Variants in PLEKHA6 observed in about 807,000 individuals in gnomAD.
PLEKHA6 encodes pleckstrin homology domain-containing family A member 6.
A neutral mutation model predicts 116.7 loss-of-function variants in PLEKHA6; 60 were observed. The ratio of observed to expected loss-of-function variants is 0.51; its 90% CI spans 0.42 to 0.64. The LOEUF (loss-of-function observed/expected upper bound fraction) is 0.64. PLEKHA6 is among the 30% of genes least tolerant of loss of function. The pLI is 0.00. For synonymous variants in PLEKHA6, 489 were observed against 556.1 expected, an observed-to-expected ratio of 0.88 and a Z score of 1.70; for missense variants, 1,338 against 1,422.7, an observed-to-expected ratio of 0.94 and a Z score of 0.96.
rs142523085 is a variant in PLEKHA6 at position 204,228,117 on chromosome 1, C to T, written c.2997G>A (p.Ala999=). The stretch of plus-strand genomic sequence containing the variant: ...TGCGGCCCCTGCGGGAGGCCTCGGT[C>T]GCCAGGGCGCAGGAGATTTCAATCC... The part of the protein sequence containing the change: ...EKRIEISCAL[A]TEASRRGRML... The change falls in exon 21 of 23, where the codon GCG becomes GCA. Residue 999 remains alanine (A), a synonymous_variant. Transcript: ENST00000272203. The surrounding 1 kb of genome is among the most constrained non-coding windows in gnomAD (Gnocchi z 4.0). 1.6e-5 allele frequency: 25 copies of T among 1,612,694 alleles called. No homozygotes were observed. The highest frequency in any genetic ancestry group is 3.3e-5 in the Admixed American group (2 of 59,872).
chr1:204,294,698 C>T (rs891707942), intron 1 of PLEKHA6, among the ~76,000 whole-genome samples: 2 of 152,200 alleles, frequency 1.3e-5, no homozygotes, highest in African/African-American at 2.4e-5. Context: ...CCAGTTACTA[C>T]CTAAGGGACT....
rs372783455 is a variant in PLEKHA6, at chr1:204,375,928, G to A, written c.83+1655C>T. 1.9e-5 allele frequency among the ~76,000 whole-genome samples: 2 copies of A among 103,266 alleles called. 1 individual carries two copies. 67.7% of individuals were successfully genotyped at this position (103,266 alleles called of 152,430 possible). A position where few individuals can be genotyped will look rare whatever the true frequency, so the allele number is the denominator to read the frequency against. On this transcript the variant is annotated intron_variant, in intron 1 of 4. Coordinates refer to the PLEKHA6 transcript ENST00000564627. Reference sequence around the variant, plus strand: ...TACTTCCAAGGCTTCTTTCACTCTTGTCTCTCCTCCAGAATCAGCTCAAAT... The same window carrying A: ...TACTTCCAAGGCTTCTTTCACTCTTATCTCTCCTCCAGAATCAGCTCAAAT...
At chr1:204,293,283 T>C (rs1282179765) in intron 1 of PLEKHA6, among the ~76,000 whole-genome samples, 3 of 152,092 alleles carry the variant, frequency 2.0e-5, no homozygotes, top group Non-Finnish European at 4.4e-5. Flanking sequence ...TACAGGCATG[T>C]GCCACCACAC....
chr1:204,351,033 G>A lies in PLEKHA6; in HGVS notation c.-95+8661C>T, dbSNP rs567821825. ...CAGCTCACCACCCTCCTCTCCGAAC[G>A]CCAGCTAACCGGTTACCCGGGCAAC... On this transcript the variant is annotated intron_variant, in intron 1 of 22. Transcript: ENST00000272203. 2.0e-5 allele frequency among the ~76,000 whole-genome samples: 3 copies of A among 152,236 alleles called. No individual in the cohort carries two copies. The East Asian group carries it at 5.8e-4, about 29-fold the overall frequency.
intron 1 of PLEKHA6, among the ~76,000 whole-genome samples, chr1:204,359,023 G>A (rs1056143497): frequency 1.3e-5 from 2 of 149,778 alleles, no homozygotes; most frequent in Non-Finnish European, 3.0e-5. Context: ...ACAATACCTC[G>A]AGGCTCTTAG....
In PLEKHA6 at chr1:204,265,045, G is replaced by A. The variant is rs372557866; in HGVS notation, c.281-3C>T. On this transcript the variant is annotated splice_polypyrimidine_tract_variant and splice_region_variant and intron_variant, in intron 5 of 22. Transcript: ENST00000272203. ...CAGGATACTCTCTTCCTTCTCATCTGTCAGGGAGAGAGGCACAAGAAGGGT... is the reference window on the plus strand; with the variant it reads ...CAGGATACTCTCTTCCTTCTCATCTATCAGGGAGAGAGGCACAAGAAGGGT... 8.1e-6 allele frequency: 13 copies of A among 1,606,062 alleles called. No homozygotes were observed. The highest frequency in any genetic ancestry group is 1.1e-5 in the Non-Finnish European group (13 of 1,173,684).
At chr1:204,233,844 G>A (rs1417444717) in intron 17 of PLEKHA6, among the ~76,000 whole-genome samples, 1 of 152,104 alleles carries the variant, frequency 6.6e-6, no homozygotes, top group Non-Finnish European at 1.5e-5. Context: ...TGATTTAGAT[G>A]ATGAGATTTG....
chr1:204,247,536 G>A (rs1025965020), intron 12 of PLEKHA6, 76 bp from the exon 13 acceptor site: 5 of 949,158 alleles, frequency 5.3e-6, no homozygotes, highest in East Asian at 2.5e-5. Flanking sequence ...ATGGACCCTG[G>A]GGCCAGGGTA....
At chr1:204,324,723 T>C (rs1411336850) in intron 1 of PLEKHA6, among the ~76,000 whole-genome samples, 30 of 152,210 alleles carry the variant, frequency 2.0e-4, no homozygotes, top group Non-Finnish European at 4.4e-5. Flanking sequence ...CCTGGTGTTT[T>C]TATCTGACCT....
intron 5 of PLEKHA6, among the ~76,000 whole-genome samples, 190 bp from the exon 6 acceptor site, chr1:204,265,232 T>C (rs1351870257): frequency 1.3e-5 from 2 of 151,864 alleles, no homozygotes; most frequent in African/African-American, 4.8e-5. Context: ...AGTTAGGGAG[T>C]GTGGTGGCCC....
chr1:204,271,097 A>G (rs1246225992), intron 3 of PLEKHA6, among the ~76,000 whole-genome samples: 2 of 152,248 alleles, frequency 1.3e-5, no homozygotes, highest in Non-Finnish European at 2.9e-5. Context: ...AATGCAGCCC[A>G]ACACAAACTT....
intron 1 of PLEKHA6, among the ~76,000 whole-genome samples, chr1:204,375,091 G>A (rs192464206): frequency 9.3e-4 from 141 of 151,958 alleles, no homozygotes; most frequent in Admixed American, 2.0e-3. Context: ...GCAACCTCTC[G>A]GTCTTACTCT....
intron 1 of PLEKHA6, among the ~76,000 whole-genome samples, chr1:204,343,035 A>G (rs961437945): frequency 2.0e-5 from 3 of 152,142 alleles, no homozygotes; most frequent in African/African-American, 7.2e-5. Flanking sequence ...GCTCCCCTTG[A>G]CCCTGACCTT....
chr1:204,334,354 C>T (rs1391193813), intron 1 of PLEKHA6, among the ~76,000 whole-genome samples: 1 of 152,220 alleles, frequency 6.6e-6, no homozygotes, highest in East Asian at 1.9e-4. Context: ...GACTCTGACC[C>T]TCCACACAAC....
rs763728565 is a variant in PLEKHA6 at position 204,359,738 on chromosome 1, C to T, written c.-139G>A. ...CCCGCGCTGGAAAGCTCTAACTCTG[C>T]GAGCCCCAAGGCACCCCTCCCCCCA... On this transcript the variant is annotated 5_prime_UTR_variant, in exon 1 of 23. Transcript: ENST00000272203. 7.7e-5 allele frequency: 75 copies of T among 972,274 alleles called. No homozygotes were observed. Among genetic ancestry groups the T allele is most frequent in the South Asian group, 4.8e-5 (1 of 21,046 alleles). 60.2% of individuals were successfully genotyped at this position (972,274 alleles called of 1,614,324 possible).
rs1666288682 is a variant in PLEKHA6, at chr1:204,262,754, G to T, written c.382-1306C>A. Reference sequence around the variant, plus strand: ...AGCCATTACCCAGCAAGAGGCAGGGGTGGGCCTCCTTCCTCTGGTCCCCAC... The same window carrying T: ...AGCCATTACCCAGCAAGAGGCAGGGTTGGGCCTCCTTCCTCTGGTCCCCAC... On this transcript the variant is annotated intron_variant, in intron 6 of 22. Transcript: ENST00000272203. Among the ~76,000 whole-genome samples, 2 of 152,170 alleles carry T rather than the reference G, an allele frequency of 1.3e-5. 1 individual carries two copies. The highest frequency in any genetic ancestry group is 4.1e-4 in the South Asian group (2 of 4,828).
At chr1:204,328,831 A>G (rs1672345467) in intron 1 of PLEKHA6, among the ~76,000 whole-genome samples, 1 of 152,226 alleles carries the variant, frequency 6.6e-6, no homozygotes, top group Admixed American at 6.5e-5. Flanking sequence ...TATCCCAGGC[A>G]CTGTGCTGAG....
chr1:204,314,549 A>C (rs550693919), intron 1 of PLEKHA6, among the ~76,000 whole-genome samples: 1 of 152,308 alleles, frequency 6.6e-6, no homozygotes, highest in South Asian at 2.1e-4. Context: ...AGGAGACTGG[A>C]GGGGAATAGA....
intron 1 of PLEKHA6, among the ~76,000 whole-genome samples, chr1:204,377,417 C>T (rs984863024): frequency 1.3e-5 from 2 of 152,124 alleles, no homozygotes; most frequent in East Asian, 1.9e-4. Flanking sequence ...GAGGAAAAGG[C>T]GGGAGACACA....
Sources: allele counts gnomAD v4.1 joint callset (sites outside exome capture counted in the v4.1 genomes callset), GRCh38; gene constraint gnomAD v4.1.1; non-coding constraint Gnocchi (gnomAD v3.1); transcripts MANE v1.5; gene names NCBI Gene and HGNC (gene_info 2026-07-23, HGNC 2026-07-21).